The following VAV3 variants were observed in gnomAD, a reference collection of about 807,000 sequenced individuals.
VAV3 encodes guanine nucleotide exchange factor VAV3.
Under a neutral mutation model 131.2 loss-of-function variants are expected in VAV3, and 94 were observed. The observed-to-expected ratio is 0.72, with a 90% CI of 0.61 to 0.85. VAV3 has a LOEUF of 0.85. Ranked by LOEUF, VAV3 falls within the 40% of genes least tolerant of loss-of-function variation. The probability of loss-of-function intolerance (pLI) is 0.00; values close to 1 mark genes in which losing one functional copy is unlikely to be tolerated. For synonymous variants in VAV3, 349 were observed against 342.0 expected, an observed-to-expected ratio of 1.02 and a Z score of -0.22; for missense variants, 939 against 1,002.7, an observed-to-expected ratio of 0.94 and a Z score of 0.86.
At chr1:107,839,207 T>G (rs2100916155) in intron 2 of VAV3, among the ~76,000 whole-genome samples, 1 of 152,332 alleles carries the variant, frequency 6.6e-6, no homozygotes, top group South Asian at 2.1e-4. Flanking sequence ...CTGATTTAAT[T>G]CATCATGTAA....
intron 15 of VAV3, among the ~76,000 whole-genome samples, chr1:107,720,496 T>G (rs988840485): frequency 7.0e-6 from 1 of 142,550 alleles, no homozygotes; most frequent in East Asian, 2.0e-4. Flanking sequence ...CTGACCAACA[T>G]GGAGAAACCC....
chr1:107,844,320 C>T (rs1177487831), intron 2 of VAV3, among the ~76,000 whole-genome samples: 1 of 152,196 alleles, frequency 6.6e-6, no homozygotes, highest in Non-Finnish European at 1.5e-5. Flanking sequence ...ATCTTCGCAA[C>T]CCAAAGAACA....
chr1:107,585,541 T>G (rs1034521229), intron 25 of VAV3, among the ~76,000 whole-genome samples: 3 of 152,142 alleles, frequency 2.0e-5, no homozygotes, highest in African/African-American at 7.2e-5. Context: ...CTCCAGCTAC[T>G]CTTCCTCTTG....
intron 2 of VAV3, among the ~76,000 whole-genome samples, chr1:107,812,346 C>T (rs6683374): frequency 6.6e-6 from 1 of 151,846 alleles, no homozygotes; most frequent in South Asian, 2.1e-4. Flanking sequence ...AAAAATATTA[C>T]GAAGAGTATC....
At chr1:107,588,573 T>G (rs1199249927) in intron 25 of VAV3, among the ~76,000 whole-genome samples, 2 of 152,160 alleles carry the variant, frequency 1.3e-5, no homozygotes, top group Non-Finnish European at 2.9e-5. Flanking sequence ...CTTTTAAGCC[T>G]CCTAACATGA....
chr1:107,614,510 TA>T (rs1463746984), intron 21 of VAV3, among the ~76,000 whole-genome samples: 1 of 152,062 alleles, frequency 6.6e-6, no homozygotes, highest in Non-Finnish European at 1.5e-5. Flanking sequence ...CATTAAGCAG[TA>T]AAATTTAAAG....
intron 4 of VAV3, among the ~76,000 whole-genome samples, chr1:107,775,237 T>A (rs1356035273): frequency 6.6e-6 from 1 of 151,656 alleles, no homozygotes; most frequent in Admixed American, 6.6e-5. Context: ...AAGAACAAAA[T>A]GGGGAAGCTA....
At chr1:107,584,356 T>C (rs1349548184) in intron 25 of VAV3, among the ~76,000 whole-genome samples, 1 of 152,192 alleles carries the variant, frequency 6.6e-6, no homozygotes, top group Non-Finnish European at 1.5e-5. Flanking sequence ...GGGCAAGGAC[T>C]TCATGTCTAA....
At chr1:107,580,392 T>C (rs770184267) in intron 25 of VAV3, among the ~76,000 whole-genome samples, 1 of 152,198 alleles carries the variant, frequency 6.6e-6, no homozygotes, top group Non-Finnish European at 1.5e-5. Flanking sequence ...CACCACCATC[T>C]ATCAGTGATA....
At chr1:107,759,786 T>C (rs1432748702) in intron 10 of VAV3, among the ~76,000 whole-genome samples, 1 of 152,172 alleles carries the variant, frequency 6.6e-6, no homozygotes, top group Non-Finnish European at 1.5e-5. Flanking sequence ...TAAAAAGCTG[T>C]ACCTTCTAAA....
chr1:107,696,338 T>C (rs1233247282), intron 17 of VAV3, among the ~76,000 whole-genome samples: 4 of 152,250 alleles, frequency 2.6e-5, no homozygotes, highest in Non-Finnish European at 4.4e-5. Flanking sequence ...TTTGAAAATA[T>C]ACAATAAATT....
intron 15 of VAV3, among the ~76,000 whole-genome samples, chr1:107,718,435 C>A (rs1171307696): frequency 6.6e-6 from 1 of 152,162 alleles, no homozygotes; most frequent in Non-Finnish European, 1.5e-5. Flanking sequence ...AGAGCCAAAT[C>A]ATGAGTGAAC....
At chr1:107,706,554 A>C (rs952857872) in intron 15 of VAV3, among the ~76,000 whole-genome samples, 2 of 152,154 alleles carry the variant, frequency 1.3e-5, no homozygotes, top group African/African-American at 4.8e-5. Flanking sequence ...TTTTTGTGTT[A>C]CTGATTAAAA....
At chr1:107,798,828 T>C (rs1666690647) in intron 2 of VAV3, among the ~76,000 whole-genome samples, 2 of 152,074 alleles carry the variant, frequency 1.3e-5, no homozygotes, top group South Asian at 2.1e-4. Flanking sequence ...ATTGATTTTT[T>C]AACATTTCTA....
At chr1:107,898,249 G>C (rs1571111673) in intron 1 of VAV3, among the ~76,000 whole-genome samples, 1 of 152,060 alleles carries the variant, frequency 6.6e-6, no homozygotes, top group Non-Finnish European at 1.5e-5. Flanking sequence ...TTTAACAATG[G>C]TTATTTCTGG....
At chr1:107,949,961 C>T (rs535406048) in intron 1 of VAV3, among the ~76,000 whole-genome samples, 1 of 152,246 alleles carries the variant, frequency 6.6e-6, no homozygotes, top group Admixed American at 6.5e-5. Flanking sequence ...ACTACTGAAT[C>T]ATAACATTAC....
At chr1:107,854,960 C>T (rs1351224226) in intron 2 of VAV3, among the ~76,000 whole-genome samples, 1 of 152,174 alleles carries the variant, frequency 6.6e-6, no homozygotes, top group Non-Finnish European at 1.5e-5. Context: ...AGCATCCATC[C>T]CTTTGTGCCT....
rs1649236249 is a variant in VAV3 at position 107,571,193 on chromosome 1, T to C, written c.*2138A>G. 1 of 152,678 alleles carries C rather than the reference T, an allele frequency of 6.5e-6. No homozygotes were observed. 9.5% of individuals were successfully genotyped at this position (152,678 alleles called of 1,614,324 possible). ...AGTCACTATTTATTATATTGACATA[T>C]TTACAAAATAATACAAAGTGAAATA... On this transcript the variant is annotated 3_prime_UTR_variant, in exon 27 of 27. Coordinates refer to ENST00000370056, the MANE Select transcript of VAV3 (RefSeq NM_006113.5).
chr1:107,826,689 C>G (rs1571006860), intron 2 of VAV3, among the ~76,000 whole-genome samples: 1 of 152,148 alleles, frequency 6.6e-6, no homozygotes, highest in Non-Finnish European at 1.5e-5. Flanking sequence ...GACAGGTCAA[C>G]TGATCATTAC....
Sources: gnomAD v4.1 joint callset for allele counts (sites outside exome capture counted in the v4.1 genomes callset) on GRCh38, gnomAD v4.1.1 for gene constraint, MANE v1.5 for transcripts, NCBI Gene and HGNC (gene_info 2026-07-23, HGNC 2026-07-21) for gene names.